ELOVL6: variants seen among roughly 807,000 people sequenced by gnomAD.
ELOVL6 encodes ELOVL fatty acid elongase 6.
A neutral mutation model predicts 31.7 loss-of-function variants in ELOVL6; 8 were observed. The observed-to-expected ratio is 0.25, with a 90% CI of 0.15 to 0.45. ELOVL6 has a LOEUF of 0.45. Ranked by LOEUF, ELOVL6 falls within the 20% of genes least tolerant of loss-of-function variation. The pLI is 1.00. For synonymous variants in ELOVL6, 101 were observed against 117.7 expected, an observed-to-expected ratio of 0.86 and a Z score of 0.92; for missense variants, 126 against 326.4, an observed-to-expected ratio of 0.39 and a Z score of 4.73.
intron 1 of ELOVL6, among the ~76,000 whole-genome samples, chr4:110,140,661 T>G (rs1757927978): frequency 6.6e-6 from 1 of 151,932 alleles, no homozygotes; most frequent in South Asian, 2.1e-4. Context: ...CAACAGATAC[T>G]CAAAGTTTTA....
At chr4:110,107,102 C>G (rs766072895) in intron 1 of ELOVL6, among the ~76,000 whole-genome samples, 1 of 152,158 alleles carries the variant, frequency 6.6e-6, no homozygotes, top group Non-Finnish European at 1.5e-5. Flanking sequence ...TAAAATGCTT[C>G]GTGTTTTCTC....
rs1754786893 is a variant in ELOVL6, at chr4:110,049,665, GTGTC to G, written c.*1669_*1672del. ...GAAGTTCAGTGTACCCCACATCTGT[GTGTC>G]TGTGTGTGTATGCGTGGCTATGTGC... On this transcript the variant is annotated 3_prime_UTR_variant, in exon 4 of 4. Transcript: ENST00000302274. 2 of 151,374 alleles carry G rather than the reference GTGTC, an allele frequency of 1.3e-5. No individual in the cohort carries two copies. Among genetic ancestry groups the G allele is most frequent in the African/African-American group, 4.9e-5 (2 of 40,900 alleles). 9.4% of individuals were successfully genotyped at this position (151,374 alleles called of 1,614,324 possible).
intron 1 of ELOVL6, among the ~76,000 whole-genome samples, chr4:110,178,029 C>T (rs1759162404): frequency 1.3e-5 from 2 of 152,004 alleles, no homozygotes; most frequent in African/African-American, 2.4e-5. Context: ...TTTGCCCTGT[C>T]GTCTAAAAAT....
At chr4:110,082,307 C>A (rs1008134966) in intron 2 of ELOVL6, among the ~76,000 whole-genome samples, 2 of 151,522 alleles carry the variant, frequency 1.3e-5, no homozygotes, top group African/African-American at 4.9e-5. Context: ...ATGTTTATTG[C>A]GGCACTATTC....
intron 2 of ELOVL6, among the ~76,000 whole-genome samples, chr4:110,100,214 G>T (rs911516980): frequency 2.0e-5 from 3 of 152,114 alleles, no homozygotes; most frequent in African/African-American, 7.2e-5. Context: ...AGGAATCGTG[G>T]GGAGAGATTT....
At chr4:110,090,169 C>T (rs530311312) in intron 2 of ELOVL6, among the ~76,000 whole-genome samples, 14 of 152,160 alleles carry the variant, frequency 9.2e-5, no homozygotes, top group East Asian at 3.9e-4. Context: ...AGCATTATAC[C>T]GAAACATAAA....
chr4:110,198,027 G>A, intron 1 of ELOVL6: 1 of 609,550 alleles, frequency 1.6e-6, no homozygotes. Flanking sequence ...AGATGCCTAT[G>A]TAGCCGCGGT....
intron 1 of ELOVL6, among the ~76,000 whole-genome samples, chr4:110,144,261 T>A (rs1758045097): frequency 6.6e-6 from 1 of 152,166 alleles, no homozygotes; most frequent in Non-Finnish European, 1.5e-5. Context: ...TGCATTTGGA[T>A]TCCATTCCAA....
chr4:110,047,190 C>T lies in ELOVL6; in HGVS notation c.*4148G>A, dbSNP rs1355262969. 6.6e-6 allele frequency: 1 copy of T among 152,138 alleles called. No homozygotes were observed. Among genetic ancestry groups the T allele is most frequent in the Non-Finnish European group, 1.5e-5 (1 of 68,016 alleles). 9.4% of individuals were successfully genotyped at this position (152,138 alleles called of 1,614,324 possible). On this transcript the variant is annotated 3_prime_UTR_variant, in exon 4 of 4. Coordinates refer to ENST00000302274, the MANE Select transcript of ELOVL6 (RefSeq NM_024090.3). ...ATGGAAACTTTTAAGGAATAAGTGTCTACAAGAGGTGGACATGGACCATGC... is the reference window on the plus strand; with the variant it reads ...ATGGAAACTTTTAAGGAATAAGTGTTTACAAGAGGTGGACATGGACCATGC...
At chr4:110,063,885 C>G (rs899562448) in intron 2 of ELOVL6, among the ~76,000 whole-genome samples, 4 of 151,844 alleles carry the variant, frequency 2.6e-5, no homozygotes, top group African/African-American at 9.7e-5. Flanking sequence ...CGAGACCAGC[C>G]TGGCCAACAC....
At chr4:110,074,963 A>T (rs959845425) in intron 2 of ELOVL6, among the ~76,000 whole-genome samples, 14 of 152,218 alleles carry the variant, frequency 9.2e-5, no homozygotes. Flanking sequence ...TTAAAAAATG[A>T]GCAACAAAGG....
chr4:110,089,321 G>C (rs1207479641), intron 2 of ELOVL6, among the ~76,000 whole-genome samples: 3 of 152,164 alleles, frequency 2.0e-5, no homozygotes, highest in African/African-American at 7.2e-5. Flanking sequence ...GGGCCCACTT[G>C]TACTCAAATT....
chr4:110,057,744 G>A (rs960477407), intron 3 of ELOVL6, among the ~76,000 whole-genome samples: 2 of 151,332 alleles, frequency 1.3e-5, no homozygotes, highest in South Asian at 2.1e-4. Context: ...CCAGCTACTC[G>A]GAAGGCTGAG....
chr4:110,079,128 C>T (rs1488177103), intron 2 of ELOVL6, among the ~76,000 whole-genome samples: 1 of 152,152 alleles, frequency 6.6e-6, no homozygotes, highest in African/African-American at 2.4e-5. Context: ...TAGACTCCCA[C>T]ACAATAATAA....
intron 1 of ELOVL6, among the ~76,000 whole-genome samples, chr4:110,167,677 GTA>G (rs1758817685): frequency 2.0e-5 from 3 of 150,056 alleles, no homozygotes; most frequent in Non-Finnish European, 2.9e-5. Context: ...ATGTATGTAT[GTA>G]TGTATGTATG....
chr4:110,173,984 A>G (rs1035662474), intron 1 of ELOVL6, among the ~76,000 whole-genome samples: 1 of 151,970 alleles, frequency 6.6e-6, no homozygotes, highest in African/African-American at 2.4e-5. Context: ...CAAGCCTAAA[A>G]TAAAAGTTAA....
chr4:110,134,110 C>G (rs760168631), intron 1 of ELOVL6, among the ~76,000 whole-genome samples: 28 of 152,170 alleles, frequency 1.8e-4, no homozygotes, highest in Admixed American at 3.3e-4. Context: ...TCTGAGGATA[C>G]ATTACAATGT....
Position 110,173,486 on chromosome 4 carries a change from C to T in ELOVL6, c.89+24761G>A, listed in dbSNP as rs531637165. ...GTTTCCTTTACCTGATATTCTAGTTCTGCAAAAGGCCACCTTTACTTTGCC... is the reference window on the plus strand; with the variant it reads ...GTTTCCTTTACCTGATATTCTAGTTTTGCAAAAGGCCACCTTTACTTTGCC... On this transcript the variant is annotated intron_variant, in intron 1 of 3. Transcript: ENST00000302274. 1.8e-4 allele frequency among the ~76,000 whole-genome samples: 27 copies of T among 151,528 alleles called. No homozygotes were observed. The South Asian group carries it at 5.7e-3, about 32-fold the overall frequency.
chr4:110,177,406 CAG>C (rs1759140710), intron 1 of ELOVL6, among the ~76,000 whole-genome samples: 1 of 151,908 alleles, frequency 6.6e-6, no homozygotes, highest in African/African-American at 2.4e-5. Context: ...CACTGCACGC[CAG>C]CCTGGCTGAC....
Sources: gnomAD v4.1 joint callset for allele counts (sites outside exome capture counted in the v4.1 genomes callset) on GRCh38, gnomAD v4.1.1 for gene constraint, MANE v1.5 for transcripts, NCBI Gene and HGNC (gene_info 2026-07-23, HGNC 2026-07-21) for gene names.